The following CADM1 variants were observed in gnomAD, a reference collection of about 807,000 sequenced individuals.
The protein encoded by CADM1 is cell adhesion molecule 1, also known as TSLC-1.
CADM1 carries 15 observed loss-of-function variants against 53.1 expected under a neutral mutation model. The ratio of observed to expected loss-of-function variants is 0.28; its 90% CI spans 0.19 to 0.44. The LOEUF (loss-of-function observed/expected upper bound fraction) is 0.44. Among genes scored for constraint, CADM1 ranks in the 20% least tolerant of loss-of-function variants. CADM1 has a pLI of 1.00. For missense variants in CADM1, 434 were observed against 611.3 expected (o/e 0.71, Z 3.06); for synonymous variants, 281 against 243.0 (o/e 1.16, Z -1.45).
intron 1 of CADM1, among the ~76,000 whole-genome samples, chr11:115,434,569 G>GA (rs962400186): frequency 9.9e-4 from 150 of 152,246 alleles, no homozygotes; most frequent in African/African-American, 3.3e-3. Flanking sequence ...ACAGAGATGA[G>GA]AACAGTTCTC....
intron 3 of CADM1, among the ~76,000 whole-genome samples, chr11:115,237,502 T>TAAATACATATATGTGC (rs1314523342): frequency 2.0e-5 from 3 of 152,220 alleles, no homozygotes; most frequent in Admixed American, 6.5e-5. Context: ...TGTACATCCA[T>TAAATACATATATGTGC]AAATACATAT....
At chr11:115,278,418 G>A (rs907365227) in intron 1 of CADM1, among the ~76,000 whole-genome samples, 1 of 152,174 alleles carries the variant, frequency 6.6e-6, no homozygotes, top group Non-Finnish European at 1.5e-5. Flanking sequence ...AGGATAAGGA[G>A]CAGGGCATAA....
In CADM1 at chr11:115,174,754, T is replaced by C. The variant is rs1938943533; in HGVS notation, c.*1720A>G. ...ATGTAATAGAATATATATTTATATA[T>C]ATATATAGATCTATCTTTTTTGATG... On this transcript the variant is annotated 3_prime_UTR_variant, in exon 12 of 12. Coordinates refer to ENST00000331581, the MANE Select transcript of CADM1 (RefSeq NM_001301043.2). The C allele has an allele frequency of 5.7e-6, 5 of 881,842 alleles. No individual in the cohort carries two copies. The South Asian group carries it at 2.6e-4, about 46-fold the overall frequency. 54.6% of individuals were successfully genotyped at this position (881,842 alleles called of 1,614,324 possible).
intron 10 of CADM1, among the ~76,000 whole-genome samples, chr11:115,181,793 T>C (rs1050587541): frequency 6.6e-6 from 1 of 152,094 alleles, no homozygotes; most frequent in Non-Finnish European, 1.5e-5. Context: ...TATAATGCCA[T>C]GGATTGGCTC....
intron 5 of CADM1, among the ~76,000 whole-genome samples, chr11:115,219,779 G>A (rs1391556907): frequency 6.6e-6 from 1 of 152,164 alleles, no homozygotes; most frequent in Non-Finnish European, 1.5e-5. Context: ...CTGGGCATCA[G>A]GTGTGGGTTT....
intron 1 of CADM1, among the ~76,000 whole-genome samples, chr11:115,350,371 T>A (rs1354133500): frequency 1.3e-5 from 2 of 152,112 alleles, no homozygotes; most frequent in East Asian, 3.9e-4. Flanking sequence ...GTGAAAATGG[T>A]TCAGTGGATA....
At chr11:115,418,642 G>A (rs1303751004) in intron 1 of CADM1, among the ~76,000 whole-genome samples, 2 of 152,086 alleles carry the variant, frequency 1.3e-5, no homozygotes, top group Non-Finnish European at 2.9e-5. Context: ...TAATGTCAAA[G>A]AGCCTATAGC....
intron 1 of CADM1, among the ~76,000 whole-genome samples, chr11:115,463,855 T>A (rs1381894956): frequency 2.9e-5 from 4 of 137,048 alleles, no homozygotes; most frequent in Non-Finnish European, 6.3e-5. Context: ...AAAAAGCTTT[T>A]TTTTTTTGGG....
At chr11:115,317,604 GTTC>G (rs1023799500) in intron 1 of CADM1, among the ~76,000 whole-genome samples, 2 of 152,158 alleles carry the variant, frequency 1.3e-5, no homozygotes, top group African/African-American at 4.8e-5. Flanking sequence ...GCTAATGACT[GTTC>G]TTCATCATCA....
At chr11:115,414,253 A>G (rs1360342647) in intron 1 of CADM1, among the ~76,000 whole-genome samples, 4 of 152,154 alleles carry the variant, frequency 2.6e-5, no homozygotes, top group Non-Finnish European at 5.9e-5. Flanking sequence ...TCAACTATGT[A>G]AAGAACATCA....
At chr11:115,281,088 C>T (rs1466434751) in intron 1 of CADM1, among the ~76,000 whole-genome samples, 2 of 152,204 alleles carry the variant, frequency 1.3e-5, no homozygotes, top group African/African-American at 4.8e-5. Flanking sequence ...GGAAAATCCA[C>T]CCAACTACAA....
chr11:115,184,946 C>T (rs1282284320), intron 10 of CADM1, among the ~76,000 whole-genome samples: 1 of 152,224 alleles, frequency 6.6e-6, no homozygotes, highest in Non-Finnish European at 1.5e-5. Flanking sequence ...AGGAGCTCAT[C>T]TCCTGCATGG....
intron 1 of CADM1, among the ~76,000 whole-genome samples, chr11:115,306,004 C>A (rs1313397840): frequency 6.8e-6 from 1 of 147,318 alleles, no homozygotes; most frequent in African/African-American, 2.5e-5. Context: ...ATATATCAAA[C>A]CACTTTCAGC....
rs548775284 is a variant in CADM1, at chr11:115,192,267, GAAGAACTTCCATCATGACCC to G, written c.1112-1346_1112-1327del. 7.9e-5 allele frequency among the ~76,000 whole-genome samples: 12 copies of G among 152,322 alleles called. No homozygotes were observed. The South Asian group carries it at 2.5e-3, about 32-fold the overall frequency. ...TGTCACACCATCAACCCTTGAGGAAGAAGAACTTCCATCATGACCCTTGGGTGCTAATAGTTAACAGCAGG... is the reference window on the plus strand; with the variant it reads ...TGTCACACCATCAACCCTTGAGGAAGTTGGGTGCTAATAGTTAACAGCAGG... On this transcript the variant is annotated intron_variant, in intron 9 of 11. Transcript: ENST00000331581.
intron 1 of CADM1, among the ~76,000 whole-genome samples, chr11:115,273,771 T>C (rs983771838): frequency 6.6e-6 from 1 of 152,224 alleles, no homozygotes; most frequent in African/African-American, 2.4e-5. Flanking sequence ...ATAAATGTCA[T>C]TTGGTTTTAC....
At chr11:115,360,361 A>C (rs923088883) in intron 1 of CADM1, among the ~76,000 whole-genome samples, 6 of 152,202 alleles carry the variant, frequency 3.9e-5, no homozygotes, top group Admixed American at 3.3e-4. Context: ...GAAACGGTGC[A>C]TTTGCCAAAA....
At chr11:115,430,620 G>A (rs1447529468) in intron 1 of CADM1, among the ~76,000 whole-genome samples, 2 of 152,158 alleles carry the variant, frequency 1.3e-5, no homozygotes, top group African/African-American at 4.8e-5. Flanking sequence ...CATGAGTTGA[G>A]CTAACAAAAG....
chr11:115,261,147 G>A (rs1201658778), intron 1 of CADM1, among the ~76,000 whole-genome samples: 3 of 152,060 alleles, frequency 2.0e-5, no homozygotes, highest in Non-Finnish European at 4.4e-5. Flanking sequence ...CCTATTATGG[G>A]CACAATGTTT....
chr11:115,462,477 T>A (rs1428316059), intron 1 of CADM1, among the ~76,000 whole-genome samples: 4 of 151,924 alleles, frequency 2.6e-5, no homozygotes, highest in African/African-American at 9.7e-5. Flanking sequence ...CACCGTGACC[T>A]GTGCTCAGTA....
Sources: allele counts gnomAD v4.1 joint callset (sites outside exome capture counted in the v4.1 genomes callset), GRCh38; gene constraint gnomAD v4.1.1; transcripts MANE v1.5; gene names NCBI Gene and HGNC (gene_info 2026-07-23, HGNC 2026-07-21).